DCC: variants seen among roughly 807,000 people sequenced by gnomAD.
DCC encodes the protein netrin receptor DCC.
In DCC, 58 loss-of-function variants were observed where a neutral mutation model predicts 172.5. That is an observed-to-expected ratio of 0.34 (90% CI 0.27 to 0.42). The LOEUF (loss-of-function observed/expected upper bound fraction) is 0.42. Ranked by LOEUF, DCC falls within the 10% of genes least tolerant of loss-of-function variation. The probability of loss-of-function intolerance (pLI) is 1.00; values close to 1 mark genes in which losing one functional copy is unlikely to be tolerated. For synonymous variants in DCC, 709 were observed against 644.5 expected (o/e 1.10, Z -1.52); for missense variants, 1,740 against 1,791.0 (o/e 0.97, Z 0.51).
At chr18:53,247,110 G>A (rs140441779) in intron 12 of DCC, among the ~76,000 whole-genome samples, 201 of 152,156 alleles carry the variant, frequency 1.3e-3, no homozygotes, top group African/African-American at 4.6e-3. Flanking sequence ...AGTATCATGA[G>A]CCATGAAACT....
chr18:53,021,404 A>G (rs767038307), intron 5 of DCC, among the ~76,000 whole-genome samples: 11 of 152,192 alleles, frequency 7.2e-5, no homozygotes, highest in Non-Finnish European at 1.3e-4. Context: ...GTTAATGACT[A>G]TTATTATATC....
chr18:52,952,595 C>T (rs11874752), intron 5 of DCC, among the ~76,000 whole-genome samples: 1,807 of 152,286 alleles, frequency 0.012, 27 homozygotes, highest in African/African-American at 0.04. Context: ...CAAGTACCCC[C>T]TTTTGTCTGT....
chr18:52,403,539 A>G (rs980840368), intron 1 of DCC, among the ~76,000 whole-genome samples: 1 of 152,068 alleles, frequency 6.6e-6, no homozygotes, highest in African/African-American at 2.4e-5. Context: ...AAACATGGGA[A>G]TAAAAAGTGC....
At chr18:53,084,338 T>G (rs1273406186) in intron 7 of DCC, among the ~76,000 whole-genome samples, 2 of 152,226 alleles carry the variant, frequency 1.3e-5, no homozygotes, top group African/African-American at 2.4e-5. Context: ...GGCTCTGTCC[T>G]CATGACCCAA....
At chr18:52,690,438 G>A (rs1307275644) in intron 1 of DCC, among the ~76,000 whole-genome samples, 1 of 151,960 alleles carries the variant, frequency 6.6e-6, no homozygotes, top group Non-Finnish European at 1.5e-5. Context: ...AAGAGGTTTG[G>A]GTATCCTGCA....
chr18:52,581,773 C>T (rs1334392571), intron 1 of DCC, among the ~76,000 whole-genome samples: 1 of 152,112 alleles, frequency 6.6e-6, no homozygotes, highest in Middle Eastern at 3.2e-3. Flanking sequence ...TTAAACTTTG[C>T]AAATTATTTA....
rs546303207 is a variant in DCC, at chr18:53,297,415, T to G, written c.1912-8163T>G. Among the ~76,000 whole-genome samples, 14 of 152,318 alleles carry G rather than the reference T, an allele frequency of 9.2e-5. No homozygotes were observed. The East Asian group carries it at 2.3e-3, about 25-fold the overall frequency. On this transcript the variant is annotated intron_variant, in intron 12 of 28. Transcript: ENST00000442544. ...TATAGTTCTTATTTTTTCCCAAATA[T>G]GAAGAAAACTGAAATTATTCATTGA...
intron 7 of DCC, among the ~76,000 whole-genome samples, chr18:53,147,670 T>C (rs1033015428): frequency 6.6e-6 from 1 of 152,154 alleles, no homozygotes; most frequent in African/African-American, 2.4e-5. Context: ...CACACACCTG[T>C]TATTATCCTG....
At chr18:52,417,630 C>A (rs937925815) in intron 1 of DCC, among the ~76,000 whole-genome samples, 3 of 152,090 alleles carry the variant, frequency 2.0e-5, no homozygotes, top group Non-Finnish European at 2.9e-5. Context: ...TTTCATCTTC[C>A]ATCACTGATA....
chr18:52,826,276 A>G (rs912078102), intron 2 of DCC, among the ~76,000 whole-genome samples: 2 of 152,176 alleles, frequency 1.3e-5, no homozygotes, highest in South Asian at 2.1e-4. Context: ...CATTTGGAAG[A>G]CATTTCAGGA....
intron 5 of DCC, among the ~76,000 whole-genome samples, chr18:52,962,704 C>A (rs1187954009): frequency 4.0e-5 from 6 of 151,654 alleles, no homozygotes; most frequent in Non-Finnish European, 7.4e-5. Flanking sequence ...TGGAACCAAC[C>A]CAAATGTCCA....
chr18:53,314,360 G>A (rs1187406183), intron 13 of DCC, among the ~76,000 whole-genome samples: 1 of 152,142 alleles, frequency 6.6e-6, no homozygotes, highest in Non-Finnish European at 1.5e-5. Context: ...CAAAGTCTTG[G>A]ATAAACATGT....
intron 24 of DCC, among the ~76,000 whole-genome samples, chr18:53,464,993 A>C (rs2145178029): frequency 6.6e-6 from 1 of 151,608 alleles, no homozygotes; most frequent in South Asian, 2.1e-4. Context: ...AAAAAAAAAA[A>C]AAAAAAAAGA....
chr18:52,812,744 C>T (rs572095957), intron 2 of DCC, among the ~76,000 whole-genome samples: 3 of 152,276 alleles, frequency 2.0e-5, no homozygotes, highest in South Asian at 2.1e-4. Context: ...GTCTGGGTTT[C>T]GGCTGTCTCA....
rs375423269 is a variant in DCC at position 53,023,336 on chromosome 18, TA to T, written c.986-39959del. Reference sequence around the variant, plus strand: ...TAAGACCCTAAAACTTAGAGTATAATAAAAAAAAAACATAAAAAAAATAAAA... The same window carrying T: ...TAAGACCCTAAAACTTAGAGTATAATAAAAAAAAACATAAAAAAAATAAAA... On this transcript the variant is annotated intron_variant, in intron 5 of 28. Transcript: ENST00000442544. 6.1e-3 allele frequency among the ~76,000 whole-genome samples: 397 copies of T among 65,006 alleles called. 4 individuals are homozygous for T. Among genetic ancestry groups the T allele is most frequent in the South Asian group, 0.022 (53 of 2,358 alleles). The allele number at this position is 65,006 out of a possible 152,430, so 42.6% of individuals were successfully genotyped here.
intron 12 of DCC, among the ~76,000 whole-genome samples, chr18:53,255,457 C>A (rs2056494820): frequency 6.8e-6 from 1 of 147,292 alleles, no homozygotes; most frequent in African/African-American, 2.5e-5. Flanking sequence ...TCAGTGAGAA[C>A]ATGTGGTGTT....
intron 10 of DCC, 89 bp from the exon 11 acceptor site, chr18:53,207,590 A>G: frequency 8.2e-7 from 1 of 1,224,634 alleles, no homozygotes. Flanking sequence ...GTAAGAGTCT[A>G]ATGTCCAATT....
chr18:53,479,401 T>C (rs557409382), intron 25 of DCC, among the ~76,000 whole-genome samples: 21 of 152,300 alleles, frequency 1.4e-4, no homozygotes, highest in African/African-American at 5.1e-4. Context: ...TGGCTCTGTA[T>C]AAAAATGGAA....
At chr18:53,332,684 G>T (rs925777449) in intron 14 of DCC, among the ~76,000 whole-genome samples, 1 of 152,104 alleles carries the variant, frequency 6.6e-6, no homozygotes, top group Admixed American at 6.6e-5. Context: ...ATGAGAGATT[G>T]GGGGAGGGCT....
Sources: gnomAD v4.1 joint callset for allele counts (sites outside exome capture counted in the v4.1 genomes callset) on GRCh38, gnomAD v4.1.1 for gene constraint, MANE v1.5 for transcripts, NCBI Gene and HGNC (gene_info 2026-07-23, HGNC 2026-07-21) for gene names.